The following LMNTD2 variants were observed in gnomAD, a reference collection of about 807,000 sequenced individuals.
LMNTD2 encodes lamin tail domain containing 2, also known as lamin tail domain-containing protein 2.
Under a neutral mutation model 70.1 loss-of-function variants are expected in LMNTD2, and 83 were observed. That is an observed-to-expected ratio of 1.18 (90% CI 0.99 to 1.42). The LOEUF is 1.42. LMNTD2 is among the 40% of genes most tolerant of loss of function. The pLI, the probability that LMNTD2 is intolerant of heterozygous loss-of-function variation, is 0.00. For missense variants in LMNTD2, 1,153 were observed against 905.9 expected, an observed-to-expected ratio of 1.27 and a Z score of -3.50; for synonymous variants, 534 against 406.1, an observed-to-expected ratio of 1.31 and a Z score of -3.79.
At chr11:558,444 GT>G in intron 3 of LMNTD2, 169 bp downstream of exon 3, 1 of 1,080,124 alleles carries the variant, frequency 9.3e-7, no homozygotes, top group South Asian at 1.6e-5. Flanking sequence ...CATGCGCAGG[GT>G]TAGGGTGGAG....
At chr11:557,808 C>T in intron 5 of LMNTD2, 76 bp downstream of exon 5, 1 of 1,512,326 alleles carries the variant, frequency 6.6e-7, no homozygotes, top group Non-Finnish European at 8.9e-7. Flanking sequence ...CAGGGCGCCC[C>T]AGCAGAGGCA....
rs777703405 is a variant in LMNTD2, at chr11:557,451, C to T, written c.661G>A (p.Ala221Thr). 1.7e-5 allele frequency: 28 copies of T among 1,608,836 alleles called. No individual in the cohort carries two copies. Among genetic ancestry groups the T allele is most frequent in the South Asian group, 1.1e-4 (10 of 90,462 alleles). ...GTGAAGAGGTTGGGATACCGGCGGG[C>T]AACGCTGTTCCAATCCACGTCCTCC... ...RLEDVDWNSV[A>T]RRYPNLFTNM... is the part of the protein sequence containing the mutation. The change falls in exon 7 of 14, where the codon GCC (alanine) becomes ACC (threonine). Residue 221 changes from alanine (A) to threonine (T), a missense_variant. Transcript: ENST00000329451.
intron 13 of LMNTD2, 62 bp from the exon 14 acceptor site, chr11:555,173 G>GCGAGGAGGGGAGGGGAGGC: frequency 1.8e-6 from 1 of 554,024 alleles, no homozygotes. Context: ...GGAGGGGAGG[G>GCGAGGAGGGGAGGGGAGGC]GAGGAGAGGG....
Position 555,319 on chromosome 11 carries a change from C to G in LMNTD2, c.1759G>C (p.Glu587Gln). ...CGCGCACTCACCCGAACTCGGTGTT[C>G]TTTCTGGAGCCGACAGTCCTCCAGG... ...LGLEDCRLQK[E>Q]HRVRVCRKSV... Residue 587 changes from glutamate to glutamine, a missense_variant, in exon 13 of 14, where the codon GAA becomes CAA. Physicochemically the swap from Glu to Gln is conservative, Grantham distance 29. Transcript: ENST00000329451. The G allele has an allele frequency of 7.0e-7, 1 of 1,419,336 alleles. No individual in the cohort carries two copies. Among genetic ancestry groups the G allele is most frequent in the South Asian group, 1.6e-5 (1 of 62,788 alleles). 87.9% of individuals were successfully genotyped at this position (1,419,336 alleles called of 1,614,324 possible). A position where few individuals can be genotyped will look rare whatever the true frequency, so the allele number is the denominator to read the frequency against.
At position 557,330 on chromosome 11, in the gene LMNTD2, C is replaced by T. The variant is rs968930845; in HGVS notation, c.713+69G>A. On this transcript the variant is annotated intron_variant, in intron 7 of 13. Coordinates refer to ENST00000329451, the MANE Select transcript of LMNTD2 (RefSeq NM_173573.3). ...GGACACTAAATGGTCCTTTAGTGTC[C>T]TGCGTCTTCACTTGCCAAGGTGAGC... 7.9e-6 allele frequency: 12 copies of T among 1,512,354 alleles called. No homozygotes were observed. The East Asian group carries it at 9.8e-5, about 12-fold the overall frequency. 93.7% of individuals were successfully genotyped at this position (1,512,354 alleles called of 1,614,324 possible).
chr11:560,314 T>G lies in LMNTD2; in HGVS notation c.34+369A>C. On this transcript the variant is annotated intron_variant, in intron 1 of 13. Coordinates refer to ENST00000329451, the MANE Select transcript of LMNTD2 (RefSeq NM_173573.3). ...AGGAGCGGCTTCCAGCCAGCTTCACTGTGTGCATGGCCTGGCACTGGGTCC... is the reference window on the plus strand; with the variant it reads ...AGGAGCGGCTTCCAGCCAGCTTCACGGTGTGCATGGCCTGGCACTGGGTCC... The G allele has an allele frequency of 3.7e-6, 4 of 1,078,340 alleles. No homozygotes were observed. In the South Asian group the frequency reaches 1.8e-4, roughly 47 times the overall value. The allele number at this position is 1,078,340 out of a possible 1,614,324, so 66.8% of individuals were successfully genotyped here. A position where few individuals can be genotyped will look rare whatever the true frequency, so the allele number is the denominator to read the frequency against.
At chr11:556,410 C>T in intron 9 of LMNTD2, 35 bp from the exon 10 acceptor site, 1 of 1,540,548 alleles carries the variant, frequency 6.5e-7, no homozygotes, top group Non-Finnish European at 8.7e-7. Context: ...GGAGATGCGG[C>T]CGGTCCACCC....
rs760135985 is a variant in LMNTD2 at position 560,688 on chromosome 11, C to A, written c.29G>T (p.Arg10Leu). Residue 10 changes from arginine to leucine, a missense_variant, in exon 1 of 14, where the codon CGT (arginine) becomes CTT (leucine). Coordinates refer to ENST00000329451, the MANE Select transcript of LMNTD2 (RefSeq NM_173573.3). ...GAGCGGGGCCAGACACCTACCCCGA[C>A]GCCTGCCCGCGGGCCGCAGCCACCG... Reference protein sequence around the residue: MRWLRPAGRRREQESVSGHL... With the variant: MRWLRPAGRLREQESVSGHL... The A allele has an allele frequency of 2.8e-6, 4 of 1,439,264 alleles. No individual in the cohort carries two copies. Among genetic ancestry groups the A allele is most frequent in the Non-Finnish European group, 3.7e-6 (4 of 1,087,402 alleles). The allele number at this position is 1,439,264 out of a possible 1,614,324, so 89.2% of individuals were successfully genotyped here. A position where few individuals can be genotyped will look rare whatever the true frequency, so the allele number is the denominator to read the frequency against.
chr11:557,389 G>C lies in LMNTD2; in HGVS notation c.713+10C>G, dbSNP rs1852962876. On this transcript the variant is annotated intron_variant, in intron 7 of 13. Transcript: ENST00000329451. ...CTGGCCCCTGGGGAGTCCCTGCTCT[G>C]TGCAGTTACTTTTGCTTTGAGCTGG... The C allele has an allele frequency of 6.3e-7, 1 of 1,590,252 alleles. No homozygotes were observed. The highest frequency in any genetic ancestry group is 1.8e-5 in the Admixed American group (1 of 56,442).
At chr11:559,890 G>T (rs933834115) in intron 1 of LMNTD2, 1 of 512,928 alleles carries the variant, frequency 1.9e-6, no homozygotes, top group Non-Finnish European at 2.6e-6. Flanking sequence ...CTCCTGACTT[G>T]CTGAAACTAC....
At chr11:558,071 G>GT in intron 4 of LMNTD2, 32 bp from the exon 5 acceptor site, 1 of 1,588,402 alleles carries the variant, frequency 6.3e-7, no homozygotes, top group Non-Finnish European at 8.6e-7. Flanking sequence ...TTGGTGGTGG[G>GT]GGGGTGTCTT....
At position 555,355 on chromosome 11, in the gene LMNTD2, C is replaced by T. The variant is rs756120788; in HGVS notation, c.1723G>A (p.Ala575Thr). The T allele has an allele frequency of 6.3e-6, 9 of 1,423,126 alleles. No homozygotes were observed. The South Asian group carries it at 1.1e-4, about 18-fold the overall frequency. The allele number at this position is 1,423,126 out of a possible 1,614,324, so 88.2% of individuals were successfully genotyped here. Residue 575 changes from alanine (A) to threonine (T), a missense_variant, in exon 13 of 14, where the codon GCC (alanine) becomes ACC (threonine). Ala to Thr is a moderately conservative substitution (Grantham distance 58). Transcript: ENST00000329451. The stretch of plus-strand genomic sequence containing the variant: ...CGACAGTCCTCCAGGCCCAGCCCGG[C>T]CTCTGCGGGAGGCGACGGCAGGGTG... ...DPTLPSPPAE[A>T]GLGLEDCRLQ...
At position 558,900 on chromosome 11, in the gene LMNTD2, G is replaced by C; in HGVS notation, c.114C>G (p.Asp38Glu). 2 of 1,611,490 alleles carry C rather than the reference G, an allele frequency of 1.2e-6. No individual in the cohort carries two copies. Among genetic ancestry groups the C allele is most frequent in the Non-Finnish European group, 1.7e-6 (2 of 1,179,526 alleles). The change falls in exon 2 of 14, where the codon GAC (aspartate) becomes GAG (glutamate). Residue 38 changes from aspartate to glutamate, a missense_variant. Asp to Glu is a conservative substitution (Grantham distance 45, BLOSUM62 2). Transcript: ENST00000329451. ...CCACCGGTGCGGGGTGGGGCGTGGT[G>C]TCTGGCAGGCACGTGGGAGTCTCGG... ...AAPETPTCLP[D>E]TTPHPAPVVC...
At position 558,620 on chromosome 11, in the gene LMNTD2, G is replaced by C; in HGVS notation, c.305C>G (p.Pro102Arg). The C allele has an allele frequency of 6.2e-7, 1 of 1,605,898 alleles. No individual in the cohort carries two copies. Among genetic ancestry groups the C allele is most frequent in the South Asian group, 1.1e-5 (1 of 90,160 alleles). The change falls in exon 3 of 14, where the codon CCC becomes CGC. Residue 102 changes from proline (P) to arginine (R), a missense_variant. Pro to Arg is a moderately radical substitution (Grantham distance 103). Coordinates refer to ENST00000329451, the MANE Select transcript of LMNTD2 (RefSeq NM_173573.3). ...HILEEVAGLPPKRSSHSQEKL... is the reference protein window; with the variant it reads ...HILEEVAGLPRKRSSHSQEKL... The stretch of plus-strand genomic sequence containing the variant: ...TGGGGACTGTGCTGCAGACCTCTTG[G>C]GCGGAAGCCCCGCCACCTCTTCCAG...
Position 559,644 on chromosome 11 carries a change from C to T in LMNTD2, c.35-665G>A, listed in dbSNP as rs1853153446. 2.5e-6 allele frequency: 3 copies of T among 1,180,866 alleles called. No homozygotes were observed. The East Asian group carries it at 1.8e-4, about 70-fold the overall frequency. The allele number at this position is 1,180,866 out of a possible 1,614,324, so 73.1% of individuals were successfully genotyped here. A position where few individuals can be genotyped will look rare whatever the true frequency, so the allele number is the denominator to read the frequency against. On this transcript the variant is annotated intron_variant, in intron 1 of 13. Coordinates refer to ENST00000329451, the MANE Select transcript of LMNTD2 (RefSeq NM_173573.3). ...TAGGGGGGCACTGCTGCCTGTGAGCCAGCCCAGCATAGCCATGGGTGTGTG... is the reference window on the plus strand; with the variant it reads ...TAGGGGGGCACTGCTGCCTGTGAGCTAGCCCAGCATAGCCATGGGTGTGTG...
At position 555,718 on chromosome 11, in the gene LMNTD2, G is replaced by T; in HGVS notation, c.1574+16C>A. On this transcript the variant is annotated intron_variant, in intron 12 of 13. Transcript: ENST00000329451. ...CTGGGGAGGGAGGCCAGATCCCGGG[G>T]ACCCGCGGTCCCCACCCTGGTCTCC... 7.2e-7 allele frequency: 1 copy of T among 1,381,352 alleles called. No homozygotes were observed. Among genetic ancestry groups the T allele is most frequent in the Non-Finnish European group, 9.3e-7 (1 of 1,077,664 alleles). 85.6% of individuals were successfully genotyped at this position (1,381,352 alleles called of 1,614,324 possible). A position where few individuals can be genotyped will look rare whatever the true frequency, so the allele number is the denominator to read the frequency against.
At chr11:559,468 G>A (rs1342582803) in intron 1 of LMNTD2, 3 of 1,302,268 alleles carry the variant, frequency 2.3e-6, no homozygotes, top group Non-Finnish European at 3.0e-6. Flanking sequence ...CCCCAGACCA[G>A]GCCCCTAGGT....
Position 556,933 on chromosome 11 carries a change from G to A in LMNTD2, c.878C>T (p.Pro293Leu), listed in dbSNP as rs1403784679. Residue 293 changes from proline to leucine, a missense_variant, in exon 8 of 14, where the codon CCT becomes CTT. Pro to Leu is a moderately conservative substitution (Grantham distance 98, BLOSUM62 -3). Coordinates refer to ENST00000329451, the MANE Select transcript of LMNTD2 (RefSeq NM_173573.3). ...GTGCCCTATCACCTGCACGAAGGAAGGCAGGCCCGGCCGGCAGCTGCTGGA... is the reference window on the plus strand; with the variant it reads ...GTGCCCTATCACCTGCACGAAGGAAAGCAGGCCCGGCCGGCAGCTGCTGGA... ...SDSSSCRPGL[P>L]SFVQVIGHPP... 1.2e-6 allele frequency: 2 copies of A among 1,600,120 alleles called. No homozygotes were observed. Among genetic ancestry groups the A allele is most frequent in the Non-Finnish European group, 1.7e-6 (2 of 1,177,336 alleles).
At chr11:557,831 G>A in intron 5 of LMNTD2, 53 bp downstream of exon 5, 1 of 1,513,834 alleles carries the variant, frequency 6.6e-7, no homozygotes. Context: ...CGACGAGATG[G>A]GGAGGGCTGG....
Sources: allele counts gnomAD v4.1 joint callset, GRCh38; gene constraint gnomAD v4.1.1; transcripts MANE v1.5; gene names NCBI Gene and HGNC (gene_info 2026-07-23, HGNC 2026-07-21).